Variants in BIRC6 observed in about 807,000 individuals in gnomAD.
The protein encoded by BIRC6 is dual E2 ubiquitin-conjugating enzyme/E3 ubiquitin-protein ligase BIRC6.
In BIRC6, 98 loss-of-function variants were observed where a neutral mutation model predicts 503.3. That is an observed-to-expected ratio of 0.19 (90% CI 0.17 to 0.23). BIRC6 has a LOEUF of 0.23. Among genes scored for constraint, BIRC6 ranks in the 10% least tolerant of loss-of-function variants. The pLI, the probability that BIRC6 is intolerant of heterozygous loss-of-function variation, is 1.00. For missense variants in BIRC6, 5,360 were observed against 5,806.0 expected (o/e 0.92, Z 2.50); for synonymous variants, 2,240 against 2,078.7 (o/e 1.08, Z -2.11).
chr2:32,408,608 C>A (rs1224910321), intron 9 of BIRC6, among the ~76,000 whole-genome samples: 1 of 152,094 alleles, frequency 6.6e-6, no homozygotes, highest in Non-Finnish European at 1.5e-5. Flanking sequence ...AGTTACAATA[C>A]TCGTATTTGG....
Position 32,480,621 on chromosome 2 carries a change from C to CTTT in BIRC6, c.7409-664_7409-662dup, listed in dbSNP as rs560251664. Among the ~76,000 whole-genome samples the CTTT allele has an allele frequency of 2.4e-3, 144 of 60,734 alleles. 30 individuals carry two copies. The highest frequency in any genetic ancestry group is 0.015 in the East Asian group (12 of 816). The allele number at this position is 60,734 out of a possible 152,430, so 39.8% of individuals were successfully genotyped here. On this transcript the variant is annotated intron_variant, in intron 37 of 73. Transcript: ENST00000421745. ...CATAACAGAAAAATAAGGTAAATGG[C>CTTT]TTTTTTTTTTTTTTTTTTTTTTTTT...
At chr2:32,471,183 G>T (rs1356420205) in intron 32 of BIRC6, 59 bp downstream of exon 32, 37 of 1,536,850 alleles carry the variant, frequency 2.4e-5, no homozygotes, top group Non-Finnish European at 3.0e-5. Flanking sequence ...ATGTTGGTGG[G>T]GATTTTGAGT....
chr2:32,593,418 C>G (rs950173791), intron 66 of BIRC6, among the ~76,000 whole-genome samples: 1 of 152,006 alleles, frequency 6.6e-6, no homozygotes, highest in Non-Finnish European at 1.5e-5. Context: ...TGAATATGCC[C>G]TAAAACTTAG....
At chr2:32,426,969 T>C (rs1367515590) in intron 10 of BIRC6, among the ~76,000 whole-genome samples, 3 of 152,210 alleles carry the variant, frequency 2.0e-5, no homozygotes, top group African/African-American at 7.2e-5. Context: ...TGGTCTCCAT[T>C]GTTTCTCATA....
rs1407146263 is a variant in BIRC6, at chr2:32,575,290, T to G, written c.13279T>G (p.Ser4427Ala). Residue 4427 changes from serine (S) to alanine (A), a missense_variant, in exon 66 of 74, where the codon TCA becomes GCA. By Grantham distance (99) the Ser-to-Ala change is moderately conservative. This residue lies in a region of BIRC6 where 477 missense variants were observed against 574.4 expected (regional missense o/e 0.83). Transcript: ENST00000421745. ...TENGEEEEEQ[S>A]ECQTSVGTLL... The stretch of plus-strand genomic sequence containing the variant: ...GAACGGTGAAGAGGAAGAAGAACAG[T>G]CAGAATGTCAAACTTCTGTTGGTAC... 6 of 1,613,870 alleles carry G rather than the reference T, an allele frequency of 3.7e-6. No homozygotes were observed. In the South Asian group the frequency reaches 6.6e-5, roughly 18 times the overall value.
intron 45 of BIRC6, among the ~76,000 whole-genome samples, chr2:32,498,121 G>T (rs377610062): frequency 4.9e-4 from 75 of 152,258 alleles, no homozygotes; most frequent in African/African-American, 1.7e-3. Context: ...GAGCGTAGTG[G>T]TGCGATCTTG....
At chr2:32,455,554 G>A (rs935059431) in intron 23 of BIRC6, among the ~76,000 whole-genome samples, 5 of 152,168 alleles carry the variant, frequency 3.3e-5, no homozygotes, top group African/African-American at 1.2e-4. Context: ...TTGAACCTGG[G>A]AGGTGGAGGT....
At chr2:32,362,150 A>G (rs751763615) in intron 1 of BIRC6, among the ~76,000 whole-genome samples, 5 of 152,318 alleles carry the variant, frequency 3.3e-5, no homozygotes, top group Admixed American at 6.5e-5. Context: ...CTCATCAGCA[A>G]TGAATGTTCT....
chr2:32,432,252 C>T (rs1461263432), intron 12 of BIRC6, among the ~76,000 whole-genome samples: 1 of 152,104 alleles, frequency 6.6e-6, no homozygotes, highest in Non-Finnish European at 1.5e-5. Flanking sequence ...GCTGTCTCTA[C>T]TAAAAATACA....
intron 21 of BIRC6, among the ~76,000 whole-genome samples, chr2:32,446,749 T>G (rs886809996): frequency 4.6e-5 from 6 of 131,716 alleles, no homozygotes; most frequent in Non-Finnish European, 9.7e-5. Context: ...TTTTTTTTTT[T>G]TTTTTTTTTT....
In BIRC6 at chr2:32,510,540, T is replaced by C; in HGVS notation, c.10252T>C (p.Leu3418=). Residue 3418 remains leucine (L), a synonymous_variant, in exon 53 of 74, where the codon TTA becomes CTA. Coordinates refer to ENST00000421745, the MANE Select transcript of BIRC6 (RefSeq NM_016252.4). ...TTTGTTGCAAGATTTGAATAGTCCT[T>C]TACTTTTTGGAAGACTAAATGGACT... ...GSDPTDLNSP[L]LFGRLNGLSS... The C allele has an allele frequency of 6.3e-7, 1 of 1,598,276 alleles. No homozygotes were observed. The highest frequency in any genetic ancestry group is 8.6e-7 in the Non-Finnish European group (1 of 1,166,158).
chr2:32,501,909 G>GT, intron 47 of BIRC6, 21 bp downstream of exon 47: 1 of 1,571,766 alleles, frequency 6.4e-7, no homozygotes, highest in South Asian at 1.2e-5. Flanking sequence ...GCCAACAACA[G>GT]TTGCAGTGAT....
At chr2:32,464,945 A>C (rs1237017070) in intron 25 of BIRC6, 120 bp from the exon 26 acceptor site, 4 of 1,370,432 alleles carry the variant, frequency 2.9e-6, no homozygotes, top group Non-Finnish European at 3.9e-6. Flanking sequence ...TCTTTTATAA[A>C]ATATTACAGT....
At chr2:32,379,288 A>G (rs1199989437) in intron 2 of BIRC6, 1 of 152,136 alleles carries the variant, frequency 6.6e-6, no homozygotes, top group Admixed American at 6.6e-5. Context: ...AAAATTGAAC[A>G]TTTTTCCCTA....
intron 5 of BIRC6, 131 bp downstream of exon 5, chr2:32,392,281 C>G: frequency 1.5e-6 from 1 of 648,496 alleles, no homozygotes; most frequent in Admixed American, 2.9e-5. Context: ...TGCATGGATG[C>G]TTGTTTTTTT....
At position 32,617,777 on chromosome 2, in the gene BIRC6, G is replaced by T. The variant is rs367781963; in HGVS notation, c.14447G>T (p.Gly4816Val). The T allele has an allele frequency of 6.2e-7, 1 of 1,613,980 alleles. No homozygotes were observed. Among genetic ancestry groups the T allele is most frequent in the Non-Finnish European group, 8.5e-7 (1 of 1,179,868 alleles). Residue 4816 changes from glycine (G) to valine (V), a missense_variant, in exon 74 of 74, where the codon GGC becomes GTC. Coordinates refer to ENST00000421745, the MANE Select transcript of BIRC6 (RefSeq NM_016252.4). ...EELLKLPCPE[G>V]LDPDTDDAPE... ...TTGCTGAAACTTCCCTGCCCTGAAGGCTTGGATCCTGACACTGACGATGCC... is the reference window on the plus strand; with the variant it reads ...TTGCTGAAACTTCCCTGCCCTGAAGTCTTGGATCCTGACACTGACGATGCC...
Position 32,482,524 on chromosome 2 carries a change from G to A in BIRC6, c.7638G>A (p.Lys2546=). 6.2e-7 allele frequency: 1 copy of A among 1,613,958 alleles called. No individual in the cohort carries two copies. Among genetic ancestry groups the A allele is most frequent in the Non-Finnish European group, 8.5e-7 (1 of 1,179,838 alleles). ...GAGGTCTGGGAATTCCTGTAGCAAAGCCACCAGCAAACACGGAGAAGAACG... is the reference window on the plus strand; with the variant it reads ...GAGGTCTGGGAATTCCTGTAGCAAAACCACCAGCAAACACGGAGAAGAACG... The part of the protein sequence containing the change: ...YIGGLGIPVA[K]PPANTEKNGS... Residue 2546 remains lysine (K), a synonymous_variant, in exon 39 of 74, where the codon AAG becomes AAA. Transcript: ENST00000421745.
intron 60 of BIRC6, 86 bp downstream of exon 60, chr2:32,529,910 G>A (rs1456403410): frequency 1.2e-6 from 1 of 867,690 alleles, no homozygotes; most frequent in Admixed American, 4.0e-5. Flanking sequence ...ATTGACTTGT[G>A]TTTTTATTAT....
chr2:32,455,697 C>T (rs1200389101), intron 23 of BIRC6, among the ~76,000 whole-genome samples: 1 of 152,128 alleles, frequency 6.6e-6, no homozygotes, highest in Non-Finnish European at 1.5e-5. Context: ...TTGCAAAAGG[C>T]ACATAATTTT....
Sources: gnomAD v4.1 joint callset for allele counts (sites outside exome capture counted in the v4.1 genomes callset) on GRCh38, gnomAD v4.1.1 for gene constraint, gnomAD v4.1.1 regional missense constraint, MANE v1.5 for transcripts, NCBI Gene and HGNC (gene_info 2026-07-23, HGNC 2026-07-21) for gene names.